AOPEP: variants seen among roughly 807,000 people sequenced by gnomAD.
The protein encoded by AOPEP is aminopeptidase O (putative).
A neutral mutation model predicts 98.1 loss-of-function variants in AOPEP; 77 were observed. That is an observed-to-expected ratio of 0.78 (90% confidence interval 0.65 to 0.95). The LOEUF is 0.95. Among genes scored for constraint, AOPEP ranks in the 40% least tolerant of loss-of-function variants. AOPEP has a pLI of 0.00. For missense variants in AOPEP, 1,024 were observed against 1,024.7 expected (o/e 1.00, Z 0.01); for synonymous variants, 346 against 365.3 (o/e 0.95, Z 0.60).
chr9:95,110,296 G>A, the AOPEP span: 1 of 1,013,606 alleles, frequency 9.9e-7, no homozygotes. Context: ...TTTTGACTGT[G>A]ATGGAATTGA....
At chr9:95,116,129 C>T in the AOPEP span, among the ~76,000 whole-genome samples, 4 of 152,376 alleles carry the variant, frequency 2.6e-5, no homozygotes, top group African/African-American at 4.8e-5. Flanking sequence ...CATGCCCATG[C>T]ACCACCTCAC....
chr9:94,864,920 T>C (rs915107793), intron 5 of AOPEP, among the ~76,000 whole-genome samples: 1 of 152,190 alleles, frequency 6.6e-6, no homozygotes, highest in Non-Finnish European at 1.5e-5. Flanking sequence ...TGATGTACTT[T>C]TTAACACTCC....
chr9:95,128,093 T>C, the AOPEP span, among the ~76,000 whole-genome samples: 1 of 152,218 alleles, frequency 6.6e-6, no homozygotes, highest in African/African-American at 2.4e-5. Context: ...AGGCAGGTTA[T>C]TTCGTGGCTT....
At chr9:94,947,888 A>T (rs1026991715) in intron 7 of AOPEP, among the ~76,000 whole-genome samples, 3 of 152,012 alleles carry the variant, frequency 2.0e-5, no homozygotes, top group African/African-American at 7.2e-5. Context: ...TCCTCTCCAC[A>T]TCACCTCCCC....
intron 4 of AOPEP, among the ~76,000 whole-genome samples, chr9:94,794,006 C>T (rs1846347559): frequency 6.6e-6 from 1 of 152,208 alleles, no homozygotes; most frequent in Non-Finnish European, 1.5e-5. Context: ...TGGGGCTAGT[C>T]GCCGCTTTAG....
Position 95,060,750 on chromosome 9 carries a change from G to C in AOPEP, c.2172G>C (p.Leu724=). The C allele has an allele frequency of 6.2e-7, 1 of 1,614,164 alleles. No homozygotes were observed. Among genetic ancestry groups the C allele is most frequent in the Non-Finnish European group, 8.5e-7 (1 of 1,180,020 alleles). The change falls in exon 14 of 17, where the codon CTG becomes CTC. Residue 724 remains leucine, a synonymous_variant. Coordinates refer to ENST00000375315, the MANE Select transcript of AOPEP (RefSeq NM_001193329.3). The part of the protein sequence containing the change: ...LLEHLLEQKT[L]SPRTLQSLQR... Reference sequence around the variant, plus strand: ...AGCATCTCTTGGAGCAGAAGACTCTGAGCCCCCGAACTCTGCAAAGCCTCC... The same window carrying C: ...AGCATCTCTTGGAGCAGAAGACTCTCAGCCCCCGAACTCTGCAAAGCCTCC...
the AOPEP span, among the ~76,000 whole-genome samples, chr9:95,148,736 A>T: frequency 3.3e-5 from 5 of 152,264 alleles, no homozygotes; most frequent in Non-Finnish European, 7.3e-5. Flanking sequence ...GGCAAAAAAG[A>T]TCCATTGAAA....
intron 5 of AOPEP, among the ~76,000 whole-genome samples, chr9:94,901,695 C>T (rs560554849): frequency 1.6e-4 from 24 of 152,282 alleles, no homozygotes; most frequent in African/African-American, 5.5e-4. Flanking sequence ...AATCCCAGCA[C>T]TTTGGAAGGC....
At chr9:95,112,070 A>T in the AOPEP span, among the ~76,000 whole-genome samples, 1 of 152,244 alleles carries the variant, frequency 6.6e-6, no homozygotes, top group Non-Finnish European at 1.5e-5. Flanking sequence ...GTTCAGGTGG[A>T]TATTTCAGCA....
chr9:94,949,498 T>G (rs2057943754), intron 7 of AOPEP, among the ~76,000 whole-genome samples: 1 of 152,202 alleles, frequency 6.6e-6, no homozygotes, highest in South Asian at 2.1e-4. Flanking sequence ...CCTTCTGTCT[T>G]AAATCATCTT....
the AOPEP span, chr9:95,110,240 A>ATAAT: frequency 2.0e-6 from 2 of 1,005,126 alleles, no homozygotes; most frequent in Non-Finnish European, 2.4e-6. Context: ...GTGTTATTGA[A>ATAAT]TAATTTATTT....
chr9:94,952,264 G>A (rs575294210), intron 7 of AOPEP, among the ~76,000 whole-genome samples: 4 of 152,244 alleles, frequency 2.6e-5, no homozygotes, highest in Middle Eastern at 3.4e-3. Context: ...TACGTGCATC[G>A]CTTAAGTTTT....
chr9:95,095,249 G>A, the AOPEP span, among the ~76,000 whole-genome samples: 2 of 152,168 alleles, frequency 1.3e-5, no homozygotes, highest in African/African-American at 4.8e-5. Context: ...CTCCGAAAAG[G>A]TGGTACCAGT....
intron 1 of AOPEP, among the ~76,000 whole-genome samples, chr9:94,746,410 G>A (rs1834492273): frequency 6.6e-6 from 1 of 152,138 alleles, no homozygotes. Flanking sequence ...TACCTTGATT[G>A]TCAGTCCCCT....
chr9:95,117,024 G>A, the AOPEP span, among the ~76,000 whole-genome samples: 1 of 152,212 alleles, frequency 6.6e-6, no homozygotes, highest in African/African-American at 2.4e-5. Flanking sequence ...GGTGGATCTG[G>A]TTGGCACCAG....
intron 1 of AOPEP, among the ~76,000 whole-genome samples, chr9:94,741,066 C>T (rs1272720863): frequency 6.6e-6 from 1 of 151,752 alleles, no homozygotes; most frequent in Non-Finnish European, 1.5e-5. Flanking sequence ...GAAAGTGTTT[C>T]TCTGTTGGGT....
Position 95,005,544 on chromosome 9 carries a change from C to A in AOPEP, c.2043C>A (p.Val681=), listed in dbSNP as rs765490685. The change falls in exon 13 of 17, where the codon GTC becomes GTA. Residue 681 remains valine, a splice_region_variant and synonymous_variant. Transcript: ENST00000375315. ...ATGCTGTGGTTTTTGAACCTCAGGT[C>A]ACGAAATGGATTGGAGTGAACCGGA... The part of the protein sequence containing the change: ...CGLARQVRAE[V]TKWIGVNRRP... 2 of 1,613,764 alleles carry A rather than the reference C, an allele frequency of 1.2e-6. No individual in the cohort carries two copies. The highest frequency in any genetic ancestry group is 1.3e-5 in the African/African-American group (1 of 74,984).
chr9:95,032,396 T>C (rs2064390650), intron 13 of AOPEP, among the ~76,000 whole-genome samples: 1 of 152,210 alleles, frequency 6.6e-6, no homozygotes. Context: ...TACTGCAGCA[T>C]TGGTTTTCAA....
At chr9:95,123,510 G>A in the AOPEP span, 13 of 483,534 alleles carry the variant, frequency 2.7e-5, no homozygotes, top group East Asian at 5.9e-5. Flanking sequence ...CCTCCAGTCC[G>A]TGCCTCCAAT....
Sources: gnomAD v4.1 joint callset for allele counts (sites outside exome capture counted in the v4.1 genomes callset) on GRCh38, gnomAD v4.1.1 for gene constraint, MANE v1.5 for transcripts, NCBI Gene and HGNC (gene_info 2026-07-23, HGNC 2026-07-21) for gene names.